Variants in NCOA1 observed in about 807,000 individuals in gnomAD.
NCOA1 encodes the protein Hin-2 protein.
Under a neutral mutation model 150.9 loss-of-function variants are expected in NCOA1, and 35 were observed. The observed-to-expected ratio is 0.23, with a 90% CI of 0.18 to 0.31. The LOEUF is 0.31. Among genes scored for constraint, NCOA1 ranks in the 10% least tolerant of loss-of-function variants. The pLI, the probability that NCOA1 is intolerant of heterozygous loss-of-function variation, is 1.00. For missense variants in NCOA1, 1,491 were observed against 1,749.3 expected (o/e 0.85, Z 2.63); for synonymous variants, 590 against 630.0 (o/e 0.94, Z 0.95).
At position 24,739,417 on chromosome 2, in the gene NCOA1, T is replaced by G; in HGVS notation, c.3202-15T>G. On this transcript the variant is annotated splice_polypyrimidine_tract_variant and intron_variant, in intron 17 of 22. Coordinates refer to ENST00000348332, the MANE Select transcript of NCOA1 (RefSeq NM_003743.5). ...GTGTGTAGAAATATATCTTATTGTT[T>G]CCATTTTTCTCTAGTTGATACACCA... 1.3e-6 allele frequency: 2 copies of G among 1,567,642 alleles called. No homozygotes were observed. Among genetic ancestry groups the G allele is most frequent in the African/African-American group, 2.7e-5 (2 of 73,960 alleles).
At position 24,516,186 on chromosome 2, in the gene NCOA1, CTTTT is replaced by C. The variant is rs755818385; in HGVS notation, c.-396+24605_-396+24608del. 8.3e-3 allele frequency among the ~76,000 whole-genome samples: 768 copies of C among 92,952 alleles called. 5 individuals carry two copies. The highest frequency in any genetic ancestry group is 0.03 in the African/African-American group (703 of 23,236). The allele number at this position is 92,952 out of a possible 152,430, so 61.0% of individuals were successfully genotyped here. A position where few individuals can be genotyped will look rare whatever the true frequency, so the allele number is the denominator to read the frequency against. Reference sequence around the variant, plus strand: ...CTTTATGAATATAAATAGGTTTTGCCTTTTTTTTTTTTTTTTTTTTTTTTGAGAC... The same window carrying C: ...CTTTATGAATATAAATAGGTTTTGCCTTTTTTTTTTTTTTTTTTTTGAGAC... On this transcript the variant is annotated intron_variant, in intron 1 of 22. Transcript: ENST00000348332.
At chr2:24,758,270 C>A in intron 21 of NCOA1, 114 bp downstream of exon 21, 1 of 1,054,930 alleles carries the variant, frequency 9.5e-7, no homozygotes, top group Non-Finnish European at 1.3e-6. Context: ...TATTCTTTCC[C>A]ACTAACTTTT....
In NCOA1 at chr2:24,710,822, C is replaced by T. The variant is rs1673713131; in HGVS notation, c.2419-109C>T. 2.3e-5 allele frequency: 24 copies of T among 1,064,518 alleles called. 1 individual carries two copies. The South Asian group carries it at 2.9e-4, about 13-fold the overall frequency. 65.9% of individuals were successfully genotyped at this position (1,064,518 alleles called of 1,614,324 possible). A position where few individuals can be genotyped will look rare whatever the true frequency, so the allele number is the denominator to read the frequency against. On this transcript the variant is annotated intron_variant, in intron 13 of 22. Coordinates refer to ENST00000348332, the MANE Select transcript of NCOA1 (RefSeq NM_003743.5). ...TAATTATTTCTTCTTTCTTCATTAT[C>T]TCAAAGTCACACTGAATTCATAGAG... is the stretch of plus-strand genomic sequence containing the variant.
intron 8 of NCOA1, among the ~76,000 whole-genome samples, chr2:24,688,083 T>C (rs944478321): frequency 1.4e-4 from 22 of 152,176 alleles, no homozygotes; most frequent in African/African-American, 5.3e-4. Context: ...GAGGACATGG[T>C]CTCATTCTTT....
intron 11 of NCOA1, among the ~76,000 whole-genome samples, chr2:24,698,240 G>C (rs1052503016): frequency 3.3e-5 from 5 of 152,034 alleles, no homozygotes; most frequent in African/African-American, 9.7e-5. Flanking sequence ...CTGACTTGAA[G>C]AATCAAGGAT....
chr2:24,629,193 G>A (rs1315249442), intron 3 of NCOA1, among the ~76,000 whole-genome samples: 2 of 152,062 alleles, frequency 1.3e-5, no homozygotes, highest in East Asian at 1.9e-4. Context: ...AAAAAAATTA[G>A]CAACAGTCTT....
rs376480415 is a variant in NCOA1 at position 24,538,381 on chromosome 2, A to G, written c.-395-25914A>G. Among the ~76,000 whole-genome samples, 75 of 152,304 alleles carry G rather than the reference A, an allele frequency of 4.9e-4. 3 individuals carry two copies. The South Asian group carries it at 0.015, about 30-fold the overall frequency. ...TTAAGATGGTATTATCCTTTCCAAA[A>G]CCTCGAAAGACTGGAAAAGCAATAG... On this transcript the variant is annotated intron_variant, in intron 1 of 22. Coordinates refer to ENST00000348332, the MANE Select transcript of NCOA1 (RefSeq NM_003743.5).
At chr2:24,747,335 T>TTTTTTTTTTTTTTTTTA (rs1663981687) in intron 19 of NCOA1, among the ~76,000 whole-genome samples, 1 of 149,750 alleles carries the variant, frequency 6.7e-6, no homozygotes, top group East Asian at 1.9e-4. Context: ...CTCTTTTTTT[T>TTTTTTTTTTTTTTTTTA]TTTTTTTTTT....
At chr2:24,671,177 C>CT (rs1373511721) in intron 6 of NCOA1, among the ~76,000 whole-genome samples, 1 of 152,166 alleles carries the variant, frequency 6.6e-6, no homozygotes, top group African/African-American at 2.4e-5. Flanking sequence ...ATATAATACT[C>CT]TTAACAGCAG....
At chr2:24,716,136 T>G (rs1572633415) in intron 14 of NCOA1, among the ~76,000 whole-genome samples, 2 of 106,850 alleles carry the variant, frequency 1.9e-5, no homozygotes, top group Non-Finnish European at 3.7e-5. Flanking sequence ...AGAGTGAGAC[T>G]CCGTCTCAAA....
chr2:24,656,087 CAAAAAAA>C (rs58446937), intron 4 of NCOA1, among the ~76,000 whole-genome samples: 2 of 62,080 alleles, frequency 3.2e-5, no homozygotes, highest in Non-Finnish European at 7.2e-5. Context: ...GACTCCGTCT[CAAAAAAA>C]AAAAAAAAAA....
intron 2 of NCOA1, among the ~76,000 whole-genome samples, chr2:24,568,809 A>G (rs1666614335): frequency 6.6e-6 from 1 of 152,200 alleles, no homozygotes; most frequent in Non-Finnish European, 1.5e-5. Context: ...ACTGTCATGT[A>G]CCCATGCCAG....
chr2:24,575,203 TTGG>T lies in NCOA1; in HGVS notation c.-259-9272_-259-9270del, dbSNP rs1666904903. ...GTATTTTTCTCCTTTGTGCTTCATT[TTGG>T]AAATCTTCTATTGCTATATCTTTAA... On this transcript the variant is annotated intron_variant, in intron 2 of 22. Coordinates refer to ENST00000348332, the MANE Select transcript of NCOA1 (RefSeq NM_003743.5). 2.0e-5 allele frequency among the ~76,000 whole-genome samples: 3 copies of T among 152,294 alleles called. No individual in the cohort carries two copies. The South Asian group carries it at 6.2e-4, about 32-fold the overall frequency.
At chr2:24,613,720 T>C (rs1196487247) in intron 3 of NCOA1, among the ~76,000 whole-genome samples, 1 of 152,110 alleles carries the variant, frequency 6.6e-6, no homozygotes, top group Non-Finnish European at 1.5e-5. Flanking sequence ...TCTGACTGCC[T>C]GAAGCTATGC....
At chr2:24,494,609 C>T (rs1663121221) in intron 1 of NCOA1, among the ~76,000 whole-genome samples, 1 of 152,206 alleles carries the variant, frequency 6.6e-6, no homozygotes, top group Admixed American at 6.5e-5. Flanking sequence ...CAGAAATTCT[C>T]AGAGGACCAT....
intron 1 of NCOA1, among the ~76,000 whole-genome samples, chr2:24,515,570 T>C (rs1664129514): frequency 6.6e-6 from 1 of 152,136 alleles, no homozygotes; most frequent in Admixed American, 6.5e-5. Flanking sequence ...ATCTCTACTT[T>C]TGGCATTTTG....
intron 1 of NCOA1, among the ~76,000 whole-genome samples, chr2:24,495,780 A>T (rs954994192): frequency 6.6e-6 from 1 of 152,206 alleles, no homozygotes; most frequent in Non-Finnish European, 1.5e-5. Flanking sequence ...ACTTAGGTTG[A>T]TGTAGCCTTG....
chr2:24,636,822 G>A (rs1014155859), intron 3 of NCOA1, among the ~76,000 whole-genome samples: 2 of 151,848 alleles, frequency 1.3e-5, no homozygotes, highest in Admixed American at 6.6e-5. Context: ...TATCATGAAT[G>A]GGTGCTGATT....
At chr2:24,629,047 T>A (rs967140026) in intron 3 of NCOA1, among the ~76,000 whole-genome samples, 1 of 152,214 alleles carries the variant, frequency 6.6e-6, no homozygotes, top group Middle Eastern at 3.4e-3. Flanking sequence ...TGGTGATATC[T>A]AGGTTTTGGG....
Sources: allele counts gnomAD v4.1 joint callset (sites outside exome capture counted in the v4.1 genomes callset), GRCh38; gene constraint gnomAD v4.1.1; transcripts MANE v1.5; gene names NCBI Gene and HGNC (gene_info 2026-07-23, HGNC 2026-07-21).